NGEF: variants seen among roughly 807,000 people sequenced by gnomAD.
NGEF encodes ephexin-1.
A neutral mutation model predicts 80.9 loss-of-function variants in NGEF; 31 were observed. The ratio of observed to expected loss-of-function variants is 0.38; its 90% CI spans 0.29 to 0.52. The LOEUF (loss-of-function observed/expected upper bound fraction) is 0.52, where lower values mean the gene tolerates loss of function less well. NGEF is among the 20% of genes least tolerant of loss of function. The pLI, the probability that NGEF is intolerant of heterozygous loss-of-function variation, is 0.84. For synonymous variants in NGEF, 371 were observed against 370.2 expected, an observed-to-expected ratio of 1.00 and a Z score of -0.03; for missense variants, 709 against 926.2, an observed-to-expected ratio of 0.77 and a Z score of 3.04.
At chr2:232,887,478 G>A (rs1480884429) in intron 9 of NGEF, among the ~76,000 whole-genome samples, 2 of 150,434 alleles carry the variant, frequency 1.3e-5, no homozygotes, top group Non-Finnish European at 2.9e-5. Context: ...GATGCACAGG[G>A]GTGACTGAGC....
chr2:232,966,201 G>A (rs1694055675), intron 3 of NGEF, among the ~76,000 whole-genome samples: 1 of 152,082 alleles, frequency 6.6e-6, no homozygotes, highest in Non-Finnish European at 1.5e-5. Context: ...GGCTCTCAGA[G>A]TGGGGCCCTG....
chr2:232,991,437 T>G (rs370846715), intron 1 of NGEF, among the ~76,000 whole-genome samples: 61 of 152,166 alleles, frequency 4.0e-4, no homozygotes, highest in African/African-American at 1.3e-3. Context: ...ATTAATTGTA[T>G]TTTTGTATAG....
At chr2:232,903,625 G>T (rs530504003) in intron 5 of NGEF, among the ~76,000 whole-genome samples, 2 of 152,264 alleles carry the variant, frequency 1.3e-5, no homozygotes, top group Admixed American at 1.3e-4. Flanking sequence ...TTGCTACTTT[G>T]TTAAAACAGG....
intron 5 of NGEF, among the ~76,000 whole-genome samples, chr2:232,895,472 A>G (rs943108618): frequency 6.0e-5 from 9 of 150,954 alleles, no homozygotes; most frequent in African/African-American, 2.2e-4. Context: ...GGTTGCAGTG[A>G]GCCCAGATCA....
chr2:233,004,031 ACT>A (rs2106345028), intron 1 of NGEF, among the ~76,000 whole-genome samples: 1 of 152,062 alleles, frequency 6.6e-6, no homozygotes, highest in African/African-American at 2.4e-5. Context: ...TGATTCAGTC[ACT>A]CTGCAAGACA....
At chr2:232,939,890 G>A (rs529267091) in intron 3 of NGEF, among the ~76,000 whole-genome samples, 4 of 152,130 alleles carry the variant, frequency 2.6e-5, no homozygotes, top group South Asian at 2.1e-4. Flanking sequence ...CCAGTTACTC[G>A]GGAGGCTGAG....
Position 232,879,602 on chromosome 2 carries a change from G to T in NGEF, c.2020C>A (p.Pro674Thr), listed in dbSNP as rs942810484. The stretch of plus-strand genomic sequence containing the variant: ...TTGAGGTTCTGGGACCGGATCTTGG[G>T]ATTCAAGATCTCCTCAGTCATGGAG... ...PSSMTEEILN[P>T]KIRSQNLKEC... The change falls in exon 15 of 15, where the codon CCC (proline) becomes ACC (threonine). Residue 674 changes from proline to threonine, a missense_variant. Physicochemically the swap from Pro to Thr is conservative, Grantham distance 38. Around this residue, in one of 2 missense-constraint regions of NGEF, gnomAD observed 426 missense variants for 622.9 expected, o/e 0.68. Coordinates refer to ENST00000264051, the MANE Select transcript of NGEF (RefSeq NM_019850.3). 1 of 1,613,692 alleles carries T rather than the reference G, an allele frequency of 6.2e-7. No individual in the cohort carries two copies. The highest frequency in any genetic ancestry group is 8.5e-7 in the Non-Finnish European group (1 of 1,179,912).
chr2:232,995,252 A>G (rs1186901721), intron 1 of NGEF, among the ~76,000 whole-genome samples: 1 of 23,818 alleles, frequency 4.2e-5, no homozygotes, highest in African/African-American at 1.7e-4. Context: ...TGTATACTGT[A>G]TATGTGTACA....
intron 1 of NGEF, among the ~76,000 whole-genome samples, chr2:232,984,704 TG>T (rs1235717990): frequency 6.6e-6 from 1 of 152,098 alleles, no homozygotes; most frequent in Non-Finnish European, 1.5e-5. Flanking sequence ...GGGAGGACTC[TG>T]GGGAAGAAGC....
intron 5 of NGEF, among the ~76,000 whole-genome samples, chr2:232,916,209 C>A (rs770168659): frequency 7.9e-5 from 12 of 152,208 alleles, no homozygotes; most frequent in Non-Finnish European, 1.6e-4. Flanking sequence ...CACATAAGCC[C>A]TTGATAATGT....
At chr2:232,895,008 A>C in intron 5 of NGEF, 92 bp from the exon 6 acceptor site, 4 of 1,410,138 alleles carry the variant, frequency 2.8e-6, no homozygotes, top group Non-Finnish European at 2.9e-6. Flanking sequence ...AGGGAGGCTC[A>C]GCAGGGAGTT....
chr2:232,968,694 T>G (rs6740154), intron 3 of NGEF, among the ~76,000 whole-genome samples: 2 of 151,888 alleles, frequency 1.3e-5, no homozygotes, highest in Non-Finnish European at 2.9e-5. Flanking sequence ...CATGAGCCAC[T>G]GCGCCTGGCC....
At chr2:232,906,379 C>A (rs1186576449) in intron 5 of NGEF, among the ~76,000 whole-genome samples, 18 of 138,754 alleles carry the variant, frequency 1.3e-4, no homozygotes, top group East Asian at 2.3e-4. Context: ...CCAGCCGCCC[C>A]GTCCGGGAGG....
At chr2:232,917,936 G>T (rs1341702934) in intron 5 of NGEF, among the ~76,000 whole-genome samples, 1 of 151,938 alleles carries the variant, frequency 6.6e-6, no homozygotes, top group East Asian at 1.9e-4. Flanking sequence ...ACTATACCCG[G>T]CTAATTAATT....
chr2:232,888,453 TG>T (rs1410225905), intron 8 of NGEF, among the ~76,000 whole-genome samples: 1 of 151,986 alleles, frequency 6.6e-6, no homozygotes, highest in East Asian at 1.9e-4. Flanking sequence ...CACAACACGA[TG>T]CATGCACACT....
Position 232,929,244 on chromosome 2 carries a change from G to C in NGEF, c.384-2058C>G, listed in dbSNP as rs919437996. Among the ~76,000 whole-genome samples the C allele has an allele frequency of 5.9e-5, 9 of 152,166 alleles. 1 individual carries two copies. Among genetic ancestry groups the C allele is most frequent in the Admixed American group, 1.3e-4 (2 of 15,298 alleles). On this transcript the variant is annotated intron_variant, in intron 3 of 14. Coordinates refer to ENST00000264051, the MANE Select transcript of NGEF (RefSeq NM_019850.3). ...GTTTAAATTAGCAAATTCTTCGTTG[G>C]GGGGGATGCAAACATTCCTGGTGGC...
At chr2:232,955,734 G>A (rs989136838) in intron 3 of NGEF, among the ~76,000 whole-genome samples, 1 of 152,108 alleles carries the variant, frequency 6.6e-6, no homozygotes, top group Admixed American at 6.5e-5. Context: ...GGCCAGGCTG[G>A]TCCTGAACTC....
chr2:233,003,137 C>T (rs1244768039), intron 1 of NGEF, among the ~76,000 whole-genome samples: 1 of 152,168 alleles, frequency 6.6e-6, no homozygotes. Flanking sequence ...GTGAGTTAAT[C>T]GTGAATAACC....
chr2:232,912,872 T>C (rs1024690389), intron 5 of NGEF, among the ~76,000 whole-genome samples: 5 of 152,208 alleles, frequency 3.3e-5, no homozygotes, highest in African/African-American at 1.2e-4. Context: ...GTTTCTGATA[T>C]TGGTCATTTA....
Sources: gnomAD v4.1 joint callset for allele counts (sites outside exome capture counted in the v4.1 genomes callset) on GRCh38, gnomAD v4.1.1 for gene constraint, gnomAD v4.1.1 regional missense constraint, MANE v1.5 for transcripts, NCBI Gene and HGNC (gene_info 2026-07-23, HGNC 2026-07-21) for gene names.